ZNF99: variants seen among roughly 807,000 people sequenced by gnomAD.
ZNF99 encodes the protein zinc finger protein 99.
In ZNF99, 8 loss-of-function variants were observed where a neutral mutation model predicts 12.8. The ratio of observed to expected loss-of-function variants is 0.62; its 90% CI spans 0.37 to 1.13. The LOEUF is 1.13. ZNF99 is among the 50% of genes most tolerant of loss of function. ZNF99 has a pLI of 0.02. For missense variants in ZNF99, 1,007 were observed against 1,006.2 expected (o/e 1.00, Z -0.01); for synonymous variants, 318 against 319.0 (o/e 1.00, Z 0.03).
Position 22,759,685 on chromosome 19 carries a change from G to A in ZNF99, c.227-3C>T. The A allele has an allele frequency of 1.3e-6, 2 of 1,501,314 alleles. No individual in the cohort carries two copies. The highest frequency in any genetic ancestry group is 2.3e-5 in the East Asian group (1 of 43,354). The allele number at this position is 1,501,314 out of a possible 1,614,324, so 93.0% of individuals were successfully genotyped here. A position where few individuals can be genotyped will look rare whatever the true frequency, so the allele number is the denominator to read the frequency against. ...TTGTGTAAAATGAGAACTAATAACT[G>A]GAAGAAATGAAAATAATAAATTATG... is the stretch of plus-strand genomic sequence containing the variant. On this transcript the variant is annotated splice_polypyrimidine_tract_variant and splice_region_variant and intron_variant, in intron 3 of 3. Coordinates refer to ENST00000596209, the MANE Select transcript of ZNF99 (RefSeq NM_001080409.3).
At chr19:22,766,501 G>A (rs1943151273) in intron 3 of ZNF99, among the ~76,000 whole-genome samples, 1 of 151,542 alleles carries the variant, frequency 6.6e-6, no homozygotes, top group Non-Finnish European at 1.5e-5. Flanking sequence ...ACCATGCCTG[G>A]ATAATTTTTG....
chr19:22,761,965 A>AAACCTCTAGGAT (rs1373973206), intron 3 of ZNF99, among the ~76,000 whole-genome samples: 2 of 152,174 alleles, frequency 1.3e-5, no homozygotes, highest in Non-Finnish European at 2.9e-5. Context: ...CAACCTATCA[A>AAACCTCTAGGAT]AACCTCTAGG....
At chr19:22,775,946 C>T (rs10412387) in intron 1 of ZNF99, among the ~76,000 whole-genome samples, 5,247 of 152,132 alleles carry the variant, frequency 0.034, 289 homozygotes, top group African/African-American at 0.12. Flanking sequence ...CTCTTGAACC[C>T]GGGAGGCAGA....
At chr19:22,762,480 A>G (rs1351027555) in intron 3 of ZNF99, among the ~76,000 whole-genome samples, 1 of 151,178 alleles carries the variant, frequency 6.6e-6, no homozygotes, top group African/African-American at 2.5e-5. Flanking sequence ...GAGCAGCGAG[A>G]TTGAAATGGT....
rs1973045974 is a variant in ZNF99 at position 22,756,055 on chromosome 19, A to C, written c.*1259T>G. On this transcript the variant is annotated 3_prime_UTR_variant, in exon 4 of 4. Transcript: ENST00000596209. The stretch of plus-strand genomic sequence containing the variant: ...TACATTTGTGGGGTTTCTCTCCAGC[A>C]TGAATTGTTTTCTGCCTATTAAGGC... 25 of 1,274,178 alleles carry C rather than the reference A, an allele frequency of 2.0e-5. No individual in the cohort carries two copies. The South Asian group carries it at 3.1e-4, about 16-fold the overall frequency. 78.9% of individuals were successfully genotyped at this position (1,274,178 alleles called of 1,614,324 possible).
Position 22,769,285 on chromosome 19 carries a change from G to C in ZNF99, c.43C>G (p.Leu15Val), listed in dbSNP as rs767282306. 9 of 1,609,812 alleles carry C rather than the reference G, an allele frequency of 5.6e-6. No homozygotes were observed. In the Admixed American group the frequency reaches 6.7e-5, roughly 12 times the overall value. Residue 15 changes from leucine (L) to valine (V), a missense_variant, in exon 2 of 4, where the codon CTG (leucine) becomes GTG (valine). Transcript: ENST00000596209. ...TFWDVTIEFA[L>V]EEWQCLDMAQ... Reference sequence around the variant, plus strand: ...ATGTCCAGGCATTGCCACTCCTCCAGAGCGAATTCTATGGTCACATCCCAA... The same window carrying C: ...ATGTCCAGGCATTGCCACTCCTCCACAGCGAATTCTATGGTCACATCCCAA...
At chr19:22,782,896 C>T (rs780008776) in intron 1 of ZNF99, among the ~76,000 whole-genome samples, 1 of 144,998 alleles carries the variant, frequency 6.9e-6, no homozygotes, top group African/African-American at 2.7e-5. Flanking sequence ...TCTAGAACTC[C>T]TGACTTCGTG....
Position 22,756,901 on chromosome 19 carries a change from T to A in ZNF99, c.*413A>T, listed in dbSNP as rs770275149. 2.5e-6 allele frequency: 4 copies of A among 1,609,514 alleles called. No homozygotes were observed. The East Asian group carries it at 9.0e-5, about 36-fold the overall frequency. ...GGTTTCTCTACAGTATGAATTACCT[T>A]ATGTTCCATAAGTTTTGAGACCACT... On this transcript the variant is annotated 3_prime_UTR_variant, in exon 4 of 4. Transcript: ENST00000596209.
intron 3 of ZNF99, among the ~76,000 whole-genome samples, chr19:22,764,639 GAA>G (rs56689322): frequency 1.3e-3 from 189 of 143,326 alleles, no homozygotes; most frequent in African/African-American, 4.4e-3. Flanking sequence ...AAATCAGCAA[GAA>G]AAAAAAAAAT....
chr19:22,777,420 C>A (rs1383190138), intron 1 of ZNF99, among the ~76,000 whole-genome samples: 2 of 152,106 alleles, frequency 1.3e-5, no homozygotes, highest in African/African-American at 2.4e-5. Context: ...AAAAATAATA[C>A]CTGTGTGGTG....
chr19:22,769,090 T>C (rs747999515), intron 2 of ZNF99, 108 bp downstream of exon 2: 12 of 1,219,586 alleles, frequency 9.8e-6, no homozygotes, highest in Non-Finnish European at 1.3e-5. Context: ...AAAACGGGTA[T>C]CTGAAACTTA....
chr19:22,765,749 C>T (rs1052542388), intron 3 of ZNF99, among the ~76,000 whole-genome samples: 52 of 151,180 alleles, frequency 3.4e-4, no homozygotes, highest in African/African-American at 1.2e-3. Context: ...CTTTAGGAGG[C>T]CAAGGTAGTC....
At position 22,755,922 on chromosome 19, in the gene ZNF99, G is replaced by T; in HGVS notation, c.*1392C>A. 2 of 380,870 alleles carry T rather than the reference G, an allele frequency of 5.3e-6. No homozygotes were observed. Among genetic ancestry groups the T allele is most frequent in the Non-Finnish European group, 5.0e-6 (1 of 199,484 alleles). The allele number at this position is 380,870 out of a possible 1,614,324, so 23.6% of individuals were successfully genotyped here. A position where few individuals can be genotyped will look rare whatever the true frequency, so the allele number is the denominator to read the frequency against. On this transcript the variant is annotated 3_prime_UTR_variant, in exon 4 of 4. Coordinates refer to ENST00000596209, the MANE Select transcript of ZNF99 (RefSeq NM_001080409.3). The stretch of plus-strand genomic sequence containing the variant: ...CATTTTGAGTAACAGCTGAGCAATG[G>T]TTAAAAGCTTTGTCACCTTTATTAT...
At chr19:22,764,325 A>C (rs1289902597) in intron 3 of ZNF99, among the ~76,000 whole-genome samples, 1 of 152,198 alleles carries the variant, frequency 6.6e-6, no homozygotes, top group African/African-American at 2.4e-5. Flanking sequence ...TAAGGACTTA[A>C]ATCTAAGACC....
At chr19:22,777,992 A>G (rs1973347409) in intron 1 of ZNF99, among the ~76,000 whole-genome samples, 1 of 116,420 alleles carries the variant, frequency 8.6e-6, no homozygotes, top group East Asian at 3.0e-4. Flanking sequence ...GGTGGGGAAC[A>G]TCACACACCA....
Position 22,758,661 on chromosome 19 carries a change from C to T in ZNF99, c.1248G>A (p.Lys416=). The T allele has an allele frequency of 3.1e-6, 5 of 1,612,248 alleles. No individual in the cohort carries two copies. The highest frequency in any genetic ancestry group is 4.2e-6 in the Non-Finnish European group (5 of 1,179,246). Residue 416 remains lysine (K), a synonymous_variant, in exon 4 of 4, where the codon AAG becomes AAA. Coordinates refer to ENST00000596209, the MANE Select transcript of ZNF99 (RefSeq NM_001080409.3). ...FKWSSKLTVH[K]VIHTAEKPCK... is the part of the protein sequence containing the mutation. ...AGGGTTTCTCTGCAGTATGAATTACCTTATGTACAGTAAGTTTTGAGGACC... is the reference window on the plus strand; with the variant it reads ...AGGGTTTCTCTGCAGTATGAATTACTTTATGTACAGTAAGTTTTGAGGACC...
chr19:22,766,394 C>T (rs779294431), intron 3 of ZNF99, among the ~76,000 whole-genome samples: 2 of 149,044 alleles, frequency 1.3e-5, no homozygotes, highest in East Asian at 2.0e-4. Flanking sequence ...GGGTGGAGTG[C>T]GGTGGCACGA....
chr19:22,780,066 A>G (rs4933035), intron 1 of ZNF99, among the ~76,000 whole-genome samples: 13,026 of 152,160 alleles, frequency 0.086, 577 homozygotes, highest in Middle Eastern at 0.11. Context: ...CCCTCAGGAT[A>G]AAGTCTCCTT....
chr19:22,777,039 C>G (rs1338329101), intron 1 of ZNF99, among the ~76,000 whole-genome samples: 1 of 152,100 alleles, frequency 6.6e-6, no homozygotes, highest in Non-Finnish European at 1.5e-5. Context: ...GTAGTCCCAG[C>G]TAGTTAGGGG....
Sources: gnomAD v4.1 joint callset for allele counts (sites outside exome capture counted in the v4.1 genomes callset) on GRCh38, gnomAD v4.1.1 for gene constraint, MANE v1.5 for transcripts, NCBI Gene and HGNC (gene_info 2026-07-23, HGNC 2026-07-21) for gene names.